PRSS23: variants seen among roughly 807,000 people sequenced by gnomAD.
The protein encoded by PRSS23 is serine protease 23.
A neutral mutation model predicts 34.7 loss-of-function variants in PRSS23; 25 were observed. That is an observed-to-expected ratio of 0.72 (90% CI 0.53 to 1.01). PRSS23 has a LOEUF of 1.01. Among genes scored for constraint, PRSS23 ranks in the 50% least tolerant of loss-of-function variants. PRSS23 has a pLI of 0.00. For synonymous variants in PRSS23, 176 were observed against 186.6 expected (o/e 0.94, Z 0.46); for missense variants, 445 against 475.6 (o/e 0.94, Z 0.60).
rs564924318 is a variant in PRSS23, at chr11:86,904,631, A to G, written c.207-46585A>G. Among the ~76,000 whole-genome samples the G allele has an allele frequency of 2.6e-5, 4 of 152,326 alleles. No individual in the cohort carries two copies. The South Asian group carries it at 8.3e-4, about 32-fold the overall frequency. ...TTTTTCTATAAATGTTCAATAGTCA[A>G]TACTTTAGGCTCTGTAGGCCGGATA... On this transcript the variant is annotated intron_variant, in intron 2 of 2. Coordinates refer to the PRSS23 transcript ENST00000533902.
chr11:86,840,066 C>T (rs912287842), intron 2 of PRSS23, among the ~76,000 whole-genome samples: 2 of 151,988 alleles, frequency 1.3e-5, no homozygotes, highest in African/African-American at 4.8e-5. Context: ...AACCAGCTAA[C>T]ATCATAATGA....
chr11:86,806,050 A>G (rs1948097479), intron 1 of PRSS23, among the ~76,000 whole-genome samples: 2 of 152,212 alleles, frequency 1.3e-5, no homozygotes, highest in African/African-American at 4.8e-5. Flanking sequence ...CATTTATGAA[A>G]GCACTTTCAG....
chr11:86,811,220 C>G lies in PRSS23; in HGVS notation c.*2425C>G, dbSNP rs1473192439. On this transcript the variant is annotated 3_prime_UTR_variant, in exon 2 of 2. Coordinates refer to ENST00000280258, the MANE Select transcript of PRSS23 (RefSeq NM_007173.6). Reference sequence around the variant, plus strand: ...GTAAAATCTGCATTTAAATAAACATCTTTGATCACAAAACCCTTGTTTTCT... The same window carrying G: ...GTAAAATCTGCATTTAAATAAACATGTTTGATCACAAAACCCTTGTTTTCT... 1 of 166,850 alleles carries G rather than the reference C, an allele frequency of 6.0e-6. No homozygotes were observed. The highest frequency in any genetic ancestry group is 2.4e-5 in the African/African-American group (1 of 41,444). The allele number at this position is 166,850 out of a possible 1,614,324, so 10.3% of individuals were successfully genotyped here.
At chr11:86,925,312 G>A (rs1353667827) in intron 2 of PRSS23, among the ~76,000 whole-genome samples, 1 of 151,680 alleles carries the variant, frequency 6.6e-6, no homozygotes, top group Non-Finnish European at 1.5e-5. Context: ...GTGTGTGTGT[G>A]TGTGTGTGTG....
chr11:86,862,206 G>A (rs913301376), intron 2 of PRSS23, among the ~76,000 whole-genome samples: 7 of 151,990 alleles, frequency 4.6e-5, no homozygotes, highest in East Asian at 1.9e-4. Flanking sequence ...TAATATCCTC[G>A]GGAGATATTA....
chr11:86,905,427 C>A (rs114029930), intron 2 of PRSS23, among the ~76,000 whole-genome samples: 1 of 152,156 alleles, frequency 6.6e-6, no homozygotes. Context: ...CTTGCTCTAG[C>A]CTCTTCAGGA....
chr11:86,810,033 A>T lies in PRSS23; in HGVS notation c.*1238A>T, dbSNP rs974668274. 6.6e-5 allele frequency: 11 copies of T among 166,920 alleles called. No homozygotes were observed. Among genetic ancestry groups the T allele is most frequent in the Non-Finnish European group, 8.8e-5 (6 of 68,126 alleles). The allele number at this position is 166,920 out of a possible 1,614,324, so 10.3% of individuals were successfully genotyped here. A position where few individuals can be genotyped will look rare whatever the true frequency, so the allele number is the denominator to read the frequency against. On this transcript the variant is annotated 3_prime_UTR_variant, in exon 2 of 2. Coordinates refer to ENST00000280258, the MANE Select transcript of PRSS23 (RefSeq NM_007173.6). Reference sequence around the variant, plus strand: ...GGAATGCTCTAGGTTATAGATAAACAATTAGGTATAATAGCAAAAATGAAA... The same window carrying T: ...GGAATGCTCTAGGTTATAGATAAACTATTAGGTATAATAGCAAAAATGAAA...
At chr11:86,873,235 T>TAC (rs61195398) in intron 2 of PRSS23, among the ~76,000 whole-genome samples, 82,508 of 132,932 alleles carry the variant, frequency 0.62, 26,859 homozygotes, top group African/African-American at 0.81. Context: ...TATATATATA[T>TAC]ACACACACAC....
At chr11:86,884,499 C>T (rs1049765311) in intron 2 of PRSS23, among the ~76,000 whole-genome samples, 4 of 152,164 alleles carry the variant, frequency 2.6e-5, no homozygotes, top group African/African-American at 9.7e-5. Context: ...GGGGTTTCTC[C>T]ATGCTGGCCA....
At chr11:86,824,329 TA>T (rs373767929) in intron 2 of PRSS23, among the ~76,000 whole-genome samples, 52 of 14,432 alleles carry the variant, frequency 3.6e-3, no homozygotes, top group South Asian at 9.9e-3. Flanking sequence ...AAAATAAAAA[TA>T]AAAATAAAAT....
intron 2 of PRSS23, among the ~76,000 whole-genome samples, chr11:86,898,416 A>G (rs962579116): frequency 6.6e-6 from 1 of 152,236 alleles, no homozygotes; most frequent in African/African-American, 2.4e-5. Context: ...GATGCTAAAT[A>G]TTAATGTTGA....
intron 2 of PRSS23, among the ~76,000 whole-genome samples, chr11:86,830,604 G>C (rs1948346276): frequency 6.6e-6 from 1 of 152,192 alleles, no homozygotes; most frequent in Non-Finnish European, 1.5e-5. Flanking sequence ...GGGAGCTGTA[G>C]ACCAGAGCTG....
At chr11:86,935,527 T>C (rs909814074) in intron 2 of PRSS23, 2 of 152,186 alleles carry the variant, frequency 1.3e-5, no homozygotes, top group South Asian at 4.1e-4. Context: ...ATGAATGTTA[T>C]TTCATTCTTT....
At chr11:86,904,367 C>T (rs537793316) in intron 2 of PRSS23, among the ~76,000 whole-genome samples, 12 of 152,158 alleles carry the variant, frequency 7.9e-5, no homozygotes, top group African/African-American at 2.6e-4. Flanking sequence ...CCCCATCTTG[C>T]ATGTTGTATC....
intron 2 of PRSS23, chr11:86,910,026 C>G (rs1285827071): frequency 6.6e-6 from 1 of 152,168 alleles, no homozygotes; most frequent in African/African-American, 2.4e-5. Flanking sequence ...ACTGCACATT[C>G]AACTAAACAT....
In PRSS23 at chr11:86,811,219, T is replaced by A. The variant is rs1948175334; in HGVS notation, c.*2424T>A. ...TGTAAAATCTGCATTTAAATAAACA[T>A]CTTTGATCACAAAACCCTTGTTTTC... On this transcript the variant is annotated 3_prime_UTR_variant, in exon 2 of 2. Transcript: ENST00000280258. 2 of 166,912 alleles carry A rather than the reference T, an allele frequency of 1.2e-5. No individual in the cohort carries two copies. Among genetic ancestry groups the A allele is most frequent in the South Asian group, 4.1e-4 (2 of 4,826 alleles). The allele number at this position is 166,912 out of a possible 1,614,324, so 10.3% of individuals were successfully genotyped here.
intron 2 of PRSS23, among the ~76,000 whole-genome samples, chr11:86,853,531 A>G (rs543840954): frequency 6.6e-6 from 1 of 152,262 alleles, no homozygotes; most frequent in South Asian, 2.1e-4. Context: ...CTAGGATTAC[A>G]GGTGTGAGCC....
chr11:86,822,935 G>GGGCTACAA (rs1237499717), intron 1 of PRSS23, among the ~76,000 whole-genome samples: 2 of 152,192 alleles, frequency 1.3e-5, no homozygotes, highest in African/African-American at 4.8e-5. Flanking sequence ...ACCAGAACCA[G>GGGCTACAA]GGCTACAACT....
At chr11:86,887,644 T>C (rs1011192587) in intron 2 of PRSS23, among the ~76,000 whole-genome samples, 1 of 152,132 alleles carries the variant, frequency 6.6e-6, no homozygotes, top group Non-Finnish European at 1.5e-5. Flanking sequence ...CCACACATAA[T>C]AATTACCGTG....
Sources: allele counts gnomAD v4.1 joint callset (sites outside exome capture counted in the v4.1 genomes callset), GRCh38; gene constraint gnomAD v4.1.1; transcripts MANE v1.5; gene names NCBI Gene and HGNC (gene_info 2026-07-23, HGNC 2026-07-21).